MPP7: variants seen among roughly 807,000 people sequenced by gnomAD.
The protein encoded by MPP7 is MAGUK p55 subfamily member 7.
MPP7 carries 60 observed loss-of-function variants against 76.5 expected under a neutral mutation model. The ratio of observed to expected loss-of-function variants is 0.78; its 90% CI spans 0.64 to 0.97. The LOEUF is 0.97. Among genes scored for constraint, MPP7 ranks in the 50% least tolerant of loss-of-function variants. The pLI is 0.00. For missense variants in MPP7, 641 were observed against 694.0 expected, an observed-to-expected ratio of 0.92 and a Z score of 0.86; for synonymous variants, 237 against 244.5, an observed-to-expected ratio of 0.97 and a Z score of 0.29.
chr10:28,085,572 G>A (rs1292455195), intron 12 of MPP7, among the ~76,000 whole-genome samples: 1 of 152,124 alleles, frequency 6.6e-6, no homozygotes, highest in African/African-American at 2.4e-5. Flanking sequence ...TTTACTTAAG[G>A]CCTGGAAATC....
Position 28,059,630 on chromosome 10 carries a change from T to C in MPP7, c.1298+20A>G. On this transcript the variant is annotated intron_variant, in intron 14 of 16. Coordinates refer to ENST00000683449, the MANE Select transcript of MPP7 (RefSeq NM_001318170.2). Reference sequence around the variant, plus strand: ...TTATAAAAAACAGTCACATGAAAATTCTCAAAAATGTCCACATACTTGTTA... The same window carrying C: ...TTATAAAAAACAGTCACATGAAAATCCTCAAAAATGTCCACATACTTGTTA... The C allele has an allele frequency of 6.3e-7, 1 of 1,575,794 alleles. No individual in the cohort carries two copies. The highest frequency in any genetic ancestry group is 8.7e-7 in the Non-Finnish European group (1 of 1,146,162).
At chr10:28,166,537 AG>A (rs1836468226) in intron 3 of MPP7, among the ~76,000 whole-genome samples, 1 of 150,610 alleles carries the variant, frequency 6.6e-6, no homozygotes, top group Non-Finnish European at 1.5e-5. Context: ...CCTGCCAAGT[AG>A]CTGGGATTAC....
intron 13 of MPP7, among the ~76,000 whole-genome samples, chr10:28,063,577 A>G (rs1851879548): frequency 6.6e-6 from 1 of 152,058 alleles, no homozygotes; most frequent in African/African-American, 2.4e-5. Flanking sequence ...GCCACACAGA[A>G]GGTGAGCGAC....
intron 2 of MPP7, among the ~76,000 whole-genome samples, chr10:28,212,580 T>C (rs1292868524): frequency 6.6e-6 from 1 of 152,056 alleles, no homozygotes; most frequent in Non-Finnish European, 1.5e-5. Flanking sequence ...CTTAAAGCCA[T>C]GAGGTAAAAT....
intron 1 of MPP7, among the ~76,000 whole-genome samples, chr10:28,252,467 A>G (rs1870098): frequency 0.2 from 30,515 of 152,198 alleles, 3,552 homozygotes; most frequent in East Asian, 0.54. Context: ...GTACATAGGC[A>G]TTTATTTAGC....
At chr10:28,318,704 A>G (rs1834341699) in intron 2 of MPP7, among the ~76,000 whole-genome samples, 1 of 152,130 alleles carries the variant, frequency 6.6e-6, no homozygotes, top group Non-Finnish European at 1.5e-5. Context: ...AAAGAAAAGA[A>G]AAGCAATAGG....
chr10:28,219,142 T>C (rs1838411221), intron 2 of MPP7, among the ~76,000 whole-genome samples: 1 of 152,188 alleles, frequency 6.6e-6, no homozygotes, highest in Non-Finnish European at 1.5e-5. Flanking sequence ...CTCACAGAAT[T>C]TGAACAAATA....
intron 6 of MPP7, among the ~76,000 whole-genome samples, chr10:28,130,015 T>C (rs1419299301): frequency 6.6e-6 from 1 of 152,194 alleles, no homozygotes; most frequent in Admixed American, 6.6e-5. Flanking sequence ...ATCCATTATC[T>C]AATACCCACA....
In MPP7 at chr10:28,120,375, G is replaced by A. The variant is rs767909159; in HGVS notation, c.706C>T (p.Leu236Phe). The A allele has an allele frequency of 7.5e-6, 12 of 1,607,548 alleles. No homozygotes were observed. The highest frequency in any genetic ancestry group is 1.0e-5 in the Non-Finnish European group (12 of 1,178,162). ...SKEGKMFIKA[L>F]FDYNPNEDKA... ...TCCTCATTAGGATTATAGTCAAAGA[G>A]GGCTTTGATAAACATCTGGAAGAAA... is the stretch of plus-strand genomic sequence containing the variant. Residue 236 changes from leucine (L) to phenylalanine (F), a missense_variant, in exon 10 of 17, where the codon CTC (leucine) becomes TTC (phenylalanine). Transcript: ENST00000683449.
rs548500363 is a variant in MPP7 at position 28,118,216 on chromosome 10, T to A, written c.952+1435A>T. On this transcript the variant is annotated intron_variant, in intron 11 of 16. Coordinates refer to ENST00000683449, the MANE Select transcript of MPP7 (RefSeq NM_001318170.2). ...TACCCCCACACACACCTCACCTTCC[T>A]ATGCATCTATATAGAAACCAGTTTG... The A allele has an allele frequency of 2.9e-5, 29 of 985,214 alleles. No homozygotes were observed. In the African/African-American group the frequency reaches 4.2e-4, roughly 14 times the overall value. 61.0% of individuals were successfully genotyped at this position (985,214 alleles called of 1,614,324 possible). A position where few individuals can be genotyped will look rare whatever the true frequency, so the allele number is the denominator to read the frequency against.
At chr10:28,277,292 T>C (rs1006712411) in intron 1 of MPP7, among the ~76,000 whole-genome samples, 1 of 151,480 alleles carries the variant, frequency 6.6e-6, no homozygotes, top group Non-Finnish European at 1.5e-5. Context: ...TTGGCTTTCC[T>C]GGGCCACAGT....
chr10:28,061,401 C>A (rs1851778886), intron 13 of MPP7, among the ~76,000 whole-genome samples: 2 of 151,382 alleles, frequency 1.3e-5, no homozygotes, highest in South Asian at 4.2e-4. Flanking sequence ...ATAAAAATAT[C>A]CAACAGAAAC....
Position 28,089,818 on chromosome 10 carries a change from G to A in MPP7, c.976C>T (p.Leu326Phe). Residue 326 changes from leucine (L) to phenylalanine (F), a missense_variant, in exon 12 of 17, where the codon CTT becomes TTT. Physicochemically the swap from Leu to Phe is conservative, Grantham distance 22 (BLOSUM62 0). Coordinates refer to ENST00000683449, the MANE Select transcript of MPP7 (RefSeq NM_001318170.2). ...TTTGTTTTCTTATCTTTTCTACTAA[G>A]ACGAAAACTTTTTCTAAAACCAGCT... ...KSSGFRKSFR[L>F]SRKDKKTNKS... 3.2e-6 allele frequency: 5 copies of A among 1,559,722 alleles called. No homozygotes were observed. The highest frequency in any genetic ancestry group is 4.4e-6 in the Non-Finnish European group (5 of 1,138,938).
intron 2 of MPP7, among the ~76,000 whole-genome samples, chr10:28,325,648 C>A (rs1834404520): frequency 6.6e-6 from 1 of 151,978 alleles, no homozygotes; most frequent in Non-Finnish European, 1.5e-5. Context: ...CATGCACCAC[C>A]ATACCCGGCT....
chr10:28,126,237 T>C (rs1222415337), intron 6 of MPP7, among the ~76,000 whole-genome samples: 3 of 152,226 alleles, frequency 2.0e-5, no homozygotes, highest in Non-Finnish European at 4.4e-5. Context: ...TGAGCATCAC[T>C]TCATGGTCAT....
intron 11 of MPP7, among the ~76,000 whole-genome samples, chr10:28,112,606 T>G (rs370657209): frequency 6.6e-6 from 1 of 152,148 alleles, no homozygotes; most frequent in East Asian, 1.9e-4. Context: ...ATATATTCAG[T>G]AGCAAGTATC....
chr10:28,185,773 G>A (rs1256665810), intron 3 of MPP7, among the ~76,000 whole-genome samples: 1 of 152,080 alleles, frequency 6.6e-6, no homozygotes, highest in South Asian at 2.1e-4. Flanking sequence ...TCAAACACAT[G>A]CTCTAGAAAT....
At chr10:28,235,112 A>G (rs1839028615) in intron 2 of MPP7, among the ~76,000 whole-genome samples, 1 of 152,164 alleles carries the variant, frequency 6.6e-6, no homozygotes, top group Non-Finnish European at 1.5e-5. Flanking sequence ...CCTGATTTCT[A>G]AAGTCTTAGA....
intron 11 of MPP7, among the ~76,000 whole-genome samples, chr10:28,092,974 G>T (rs1415548055): frequency 6.6e-6 from 1 of 151,956 alleles, no homozygotes; most frequent in Non-Finnish European, 1.5e-5. Flanking sequence ...TCAGACAAGG[G>T]TCTCTTTCTA....
Sources: allele counts gnomAD v4.1 joint callset (sites outside exome capture counted in the v4.1 genomes callset), GRCh38; gene constraint gnomAD v4.1.1; transcripts MANE v1.5; gene names NCBI Gene and HGNC (gene_info 2026-07-23, HGNC 2026-07-21).